KTN1: variants seen among roughly 807,000 people sequenced by gnomAD.
KTN1 encodes kinectin 1.
Under a neutral mutation model 222.5 loss-of-function variants are expected in KTN1, and 130 were observed. The ratio of observed to expected loss-of-function variants is 0.58; its 90% CI spans 0.51 to 0.68. The LOEUF is 0.68. Among genes scored for constraint, KTN1 ranks in the 30% least tolerant of loss-of-function variants. KTN1 has a pLI of 0.00. For synonymous variants in KTN1, 512 were observed against 496.3 expected (o/e 1.03, Z -0.42); for missense variants, 1,508 against 1,500.4 (o/e 1.01, Z -0.08).
chr14:55,641,250 C>T, intron 17 of KTN1, 42 bp downstream of exon 17: 2 of 1,129,174 alleles, frequency 1.8e-6, no homozygotes, highest in South Asian at 1.5e-5. Flanking sequence ...TTAGAACAAC[C>T]TTGTATACTT....
chr14:55,650,167 G>C (rs992839371), intron 22 of KTN1, among the ~76,000 whole-genome samples, 161 bp from the exon 23 acceptor site: 1 of 152,018 alleles, frequency 6.6e-6, no homozygotes, highest in Non-Finnish European at 1.5e-5. Flanking sequence ...GTTAGGAGGA[G>C]CTTTATGTTC....
chr14:55,649,658 G>C (rs1490805981), intron 21 of KTN1, 118 bp from the exon 22 acceptor site: 1 of 640,070 alleles, frequency 1.6e-6, no homozygotes, highest in Admixed American at 3.6e-5. Context: ...AAGAATGCCT[G>C]GGCTTTTCCC....
At chr14:55,647,662 A>G (rs781248325) in intron 19 of KTN1, among the ~76,000 whole-genome samples, 22 of 122,950 alleles carry the variant, frequency 1.8e-4, no homozygotes, top group Non-Finnish European at 3.0e-4. Flanking sequence ...AAAAAAAAAG[A>G]GCCAGGCATG....
chr14:55,602,738 C>T (rs1188396920), intron 1 of KTN1, among the ~76,000 whole-genome samples: 2 of 152,060 alleles, frequency 1.3e-5, no homozygotes, highest in African/African-American at 4.8e-5. Flanking sequence ...CATGCCACCA[C>T]GTCTAGCTAA....
intron 22 of KTN1, 24 bp from the exon 23 acceptor site, chr14:55,650,304 T>A: frequency 6.7e-7 from 1 of 1,498,714 alleles, no homozygotes; most frequent in Non-Finnish European, 9.1e-7. Flanking sequence ...TCTAATCAAA[T>A]TATACTGCAT....
intron 18 of KTN1, among the ~76,000 whole-genome samples, chr14:55,646,494 CCTTTCCTTTCCTTTCCTTT>C (rs2042353020): frequency 1.9e-5 from 2 of 105,678 alleles, no homozygotes; most frequent in African/African-American, 7.2e-5. Flanking sequence ...CCTTTCCTTT[CCTTTCCTTTCCTTTCCTTT>C]CCTTTCCTTT....
At chr14:55,659,535 G>T (rs1273910482) in intron 30 of KTN1, 131 bp from the exon 31 acceptor site, 1 of 662,646 alleles carries the variant, frequency 1.5e-6, no homozygotes. Flanking sequence ...TTAAAGTCAG[G>T]GTTACTGGCA....
At chr14:55,627,772 C>A in intron 5 of KTN1, 140 bp from the exon 6 acceptor site, 1 of 503,134 alleles carries the variant, frequency 2.0e-6, no homozygotes, top group South Asian at 2.2e-5. Context: ...GCTTCATCCA[C>A]GTCCCTGCAA....
chr14:55,641,262 T>A, intron 17 of KTN1, 54 bp downstream of exon 17: 1 of 1,001,106 alleles, frequency 1.0e-6, no homozygotes, highest in Non-Finnish European at 1.5e-6. Flanking sequence ...TGTATACTTT[T>A]CAGTTGAGTG....
chr14:55,612,652 C>T, intron 2 of KTN1, 81 bp downstream of exon 2: 2 of 1,134,058 alleles, frequency 1.8e-6, no homozygotes, highest in Non-Finnish European at 2.5e-6. Flanking sequence ...GGTACATACA[C>T]AGAATGTTTA....
rs770727303 is a variant in KTN1, at chr14:55,637,815, A to T, written c.1753A>T (p.Ile585Phe). Reference protein sequence around the residue: ...LEQNEALKAQIQQFHSQIAAQ... With the variant: ...LEQNEALKAQFQQFHSQIAAQ... ...GCAGAATGAGGCTTTGAAAGCTCAA[A>T]TTCAGCAGTTCCATTCCCAGATAGC... is the stretch of plus-strand genomic sequence containing the variant. The change falls in exon 12 of 44, where the codon ATT becomes TTT. Residue 585 changes from isoleucine to phenylalanine, a missense_variant. By Grantham distance (21) the Ile-to-Phe change is conservative. Transcript: ENST00000395314. 6.2e-7 allele frequency: 1 copy of T among 1,611,378 alleles called. No individual in the cohort carries two copies. The highest frequency in any genetic ancestry group is 2.2e-5 in the East Asian group (1 of 44,850).
At chr14:55,666,092 T>G (rs1280989475) in intron 33 of KTN1, among the ~76,000 whole-genome samples, 1 of 151,984 alleles carries the variant, frequency 6.6e-6, no homozygotes, top group African/African-American at 2.4e-5. Context: ...TCCTGAAAAT[T>G]AGTGGACTTC....
chr14:55,676,984 A>C (rs1271523591), intron 41 of KTN1, among the ~76,000 whole-genome samples: 1 of 152,200 alleles, frequency 6.6e-6, no homozygotes, highest in Non-Finnish European at 1.5e-5. Flanking sequence ...ATAAACATGG[A>C]ATTTAGCCTA....
Position 55,648,838 on chromosome 14 carries a change from G to C in KTN1, c.2335G>C (p.Val779Leu). 6.2e-7 allele frequency: 1 copy of C among 1,605,148 alleles called. No homozygotes were observed. Among genetic ancestry groups the C allele is most frequent in the Non-Finnish European group, 8.5e-7 (1 of 1,172,958 alleles). ...AGAAAATTCATCTCTGACAAAAGAA[G>C]TTCAAGACTTAAAAGCTAAGCAAAA... ...RTENSSLTKE[V>L]QDLKAKQNDQ... The change falls in exon 21 of 44, where the codon GTT (valine) becomes CTT (leucine). Residue 779 changes from valine (V) to leucine (L), a missense_variant. Val to Leu is a conservative substitution (Grantham distance 32, BLOSUM62 1). Coordinates refer to ENST00000395314, the MANE Select transcript of KTN1 (RefSeq NM_001079521.2).
chr14:55,662,918 TGCA>T (rs556203686), intron 32 of KTN1: 6 of 454,646 alleles, frequency 1.3e-5, no homozygotes, highest in South Asian at 3.1e-5. Context: ...GGCATGGTAA[TGCA>T]GCAGCAGCAG....
At chr14:55,657,727 C>T (rs1015972516) in intron 29 of KTN1, among the ~76,000 whole-genome samples, 7 of 151,874 alleles carry the variant, frequency 4.6e-5, no homozygotes, top group Non-Finnish European at 7.4e-5. Context: ...ACATGGCCAA[C>T]GTGGTGAAAC....
Position 55,580,337 on chromosome 14 carries a change from CT to C in KTN1, c.-45del. 6.8e-6 allele frequency: 1 copy of C among 148,018 alleles called. No individual in the cohort carries two copies. The highest frequency in any genetic ancestry group is 1.5e-5 in the Non-Finnish European group (1 of 66,386). 9.2% of individuals were successfully genotyped at this position (148,018 alleles called of 1,614,324 possible). On this transcript the variant is annotated 5_prime_UTR_variant, in exon 1 of 44. Coordinates refer to ENST00000395314, the MANE Select transcript of KTN1 (RefSeq NM_001079521.2). ...GGCGCCGCCGCGTCTTCCCGGTCTCCTTTCCCGGCCGCACAGGGTGAGGGAG... is the reference window on the plus strand; with the variant it reads ...GGCGCCGCCGCGTCTTCCCGGTCTCCTTCCCGGCCGCACAGGGTGAGGGAG...
chr14:55,650,726 C>A, intron 24 of KTN1, 89 bp downstream of exon 24: 1 of 932,028 alleles, frequency 1.1e-6, no homozygotes, highest in Non-Finnish European at 1.7e-6. Flanking sequence ...TCAGAAAAAA[C>A]TTAGTATGCT....
chr14:55,656,533 C>T (rs968243256), intron 29 of KTN1, among the ~76,000 whole-genome samples: 34 of 151,982 alleles, frequency 2.2e-4, no homozygotes, highest in African/African-American at 4.1e-4. Flanking sequence ...GGCGTGATCT[C>T]GGCTCGCTGC....
Sources: gnomAD v4.1 joint callset for allele counts (sites outside exome capture counted in the v4.1 genomes callset) on GRCh38, gnomAD v4.1.1 for gene constraint, MANE v1.5 for transcripts, NCBI Gene and HGNC (gene_info 2026-07-23, HGNC 2026-07-21) for gene names.